The following FURIN variants were observed in gnomAD, a reference collection of about 807,000 sequenced individuals.
The protein encoded by FURIN is furin, paired basic amino acid cleaving enzyme.
FURIN carries 18 observed loss-of-function variants against 89.2 expected under a neutral mutation model. The ratio of observed to expected loss-of-function variants is 0.20; its 90% CI spans 0.14 to 0.30. The LOEUF (loss-of-function observed/expected upper bound fraction) is 0.30. Among genes scored for constraint, FURIN ranks in the 10% least tolerant of loss-of-function variants. The pLI is 1.00. For synonymous variants in FURIN, 508 were observed against 466.4 expected (o/e 1.09, Z -1.15); for missense variants, 879 against 1,100.5 (o/e 0.80, Z 2.85).
In FURIN at chr15:90,881,883, C is replaced by G. The variant is rs766132371; in HGVS notation, c.*5C>G. The stretch of plus-strand genomic sequence containing the variant: ...AAAGACCAGAGCGCCCTCTGATGAG[C>G]CCACTGCCCACCCCCTCAAGCCAAT... On this transcript the variant is annotated 3_prime_UTR_variant, in exon 16 of 16. Coordinates refer to ENST00000268171, the MANE Select transcript of FURIN (RefSeq NM_002569.4). The surrounding 1 kb of genome is among the most constrained non-coding windows in gnomAD (Gnocchi z 4.3). 290 of 1,574,888 alleles carry G rather than the reference C, an allele frequency of 1.8e-4. No homozygotes were observed. Among genetic ancestry groups the G allele is most frequent in the Middle Eastern group, 3.5e-4 (2 of 5,790 alleles).
chr15:90,871,488 G>A (rs2031288350), intron 1 of FURIN: 2 of 2,466 alleles, frequency 8.1e-4, no homozygotes, highest in African/African-American at 4.1e-3. Flanking sequence ...GACGCGCTGG[G>A]GCCCACGGCG....
intron 13 of FURIN, 130 bp downstream of exon 13, chr15:90,880,403 G>A: frequency 1.3e-6 from 1 of 785,138 alleles, no homozygotes. Context: ...GGCATTTTGG[G>A]AGGGACAATT....
At chr15:90,870,108 T>C (rs889726899) in intron 1 of FURIN, among the ~76,000 whole-genome samples, 1 of 152,208 alleles carries the variant, frequency 6.6e-6, no homozygotes, top group African/African-American at 2.4e-5. Context: ...TCTTGCAGTG[T>C]TTGTAAAGGT....
intron 11 of FURIN, 43 bp downstream of exon 11, chr15:90,879,817 A>G: frequency 1.2e-6 from 2 of 1,601,622 alleles, no homozygotes; most frequent in Non-Finnish European, 8.6e-7. Flanking sequence ...GGAGTTAGGT[A>G]GAAGGCACTC....
At position 90,881,079 on chromosome 15, in the gene FURIN, C is replaced by T; in HGVS notation, c.1792+39C>T. Reference sequence around the variant, plus strand: ...GCTGTTGGGCTTTGGGGGCCTGAGTCTGGGGGTAAGGCGGGTGCCTGTCCT... The same window carrying T: ...GCTGTTGGGCTTTGGGGGCCTGAGTTTGGGGGTAAGGCGGGTGCCTGTCCT... On this transcript the variant is annotated intron_variant, in intron 15 of 15. Coordinates refer to ENST00000268171, the MANE Select transcript of FURIN (RefSeq NM_002569.4). This position sits in a 1 kb window ranked among gnomAD's most constrained non-coding sequence, Gnocchi z 4.3. The T allele has an allele frequency of 6.8e-7, 1 of 1,476,400 alleles. No individual in the cohort carries two copies. The highest frequency in any genetic ancestry group is 9.5e-7 in the Non-Finnish European group (1 of 1,054,418). 91.5% of individuals were successfully genotyped at this position (1,476,400 alleles called of 1,614,324 possible).
chr15:90,868,888 C>T (rs1331180529), intron 1 of FURIN, among the ~76,000 whole-genome samples, 177 bp downstream of exon 1: 1 of 152,158 alleles, frequency 6.6e-6, no homozygotes, highest in East Asian at 1.9e-4. Flanking sequence ...CTTCTATGCA[C>T]GTCTGAATGT....
chr15:90,880,982 G>C lies in FURIN; in HGVS notation c.1734G>C (p.Leu578=). 1 of 1,614,122 alleles carries C rather than the reference G, an allele frequency of 6.2e-7. No homozygotes were observed. The highest frequency in any genetic ancestry group is 8.5e-7 in the Non-Finnish European group (1 of 1,179,980). Residue 578 remains leucine, a synonymous_variant, in exon 15 of 16, where the codon CTG becomes CTC. Coordinates refer to ENST00000268171, the MANE Select transcript of FURIN (RefSeq NM_002569.4). ...TCTATGGCACCGCCCCTGAGGGGCT[G>C]CCCGTACCTCCAGAAAGCAGTGGCT... is the stretch of plus-strand genomic sequence containing the variant. The part of the protein sequence containing the change: ...LVLYGTAPEG[L]PVPPESSGCK...
At chr15:90,869,602 A>G (rs567771220) in intron 1 of FURIN, among the ~76,000 whole-genome samples, 2 of 138,212 alleles carry the variant, frequency 1.4e-5, no homozygotes, top group Admixed American at 7.0e-5. Context: ...ACCCACTTTA[A>G]AGAATTTTGC....
Position 90,876,187 on chromosome 15 carries a change from C to G in FURIN, c.178-68C>G. The G allele has an allele frequency of 9.4e-7, 1 of 1,068,988 alleles. No homozygotes were observed. Among genetic ancestry groups the G allele is most frequent in the Non-Finnish European group, 1.4e-6 (1 of 715,880 alleles). The allele number at this position is 1,068,988 out of a possible 1,614,324, so 66.2% of individuals were successfully genotyped here. ...GAGCCTCCCATGAAGCCGTTGTCCA[C>G]CCCCGTCCCCCGCCTCCCGGGGACT... On this transcript the variant is annotated intron_variant, in intron 2 of 15. Coordinates refer to ENST00000268171, the MANE Select transcript of FURIN (RefSeq NM_002569.4). The surrounding 1 kb of genome is among the most constrained non-coding windows in gnomAD (Gnocchi z 5.0).
In FURIN at chr15:90,877,607, G is replaced by A. The variant is rs763902313; in HGVS notation, c.659G>A (p.Arg220His). ...GGTGTAGGTGTGGCCTACAACGCCC[G>A]CATTGGAGGTGAGTGTGGGCCTGGG... The part of the protein sequence containing the change: ...VCGVGVAYNA[R>H]IGGVRMLDGE... The change falls in exon 7 of 16, where the codon CGC (arginine) becomes CAC (histidine). Residue 220 changes from arginine (R) to histidine (H), a missense_variant. Physicochemically the swap from Arg to His is conservative, Grantham distance 29. Coordinates refer to ENST00000268171, the MANE Select transcript of FURIN (RefSeq NM_002569.4). 18 of 1,563,912 alleles carry A rather than the reference G, an allele frequency of 1.2e-5. No individual in the cohort carries two copies. The highest frequency in any genetic ancestry group is 2.4e-5 in the East Asian group (1 of 42,214).
intron 5 of FURIN, 34 bp downstream of exon 5, chr15:90,877,058 G>T (rs371973924): frequency 1.9e-6 from 3 of 1,613,478 alleles, no homozygotes; most frequent in South Asian, 1.1e-5. Flanking sequence ...CGTGATCCCT[G>T]CTGAGGTGTG....
At chr15:90,874,072 G>A (rs2031471165) in intron 1 of FURIN, among the ~76,000 whole-genome samples, 1 of 152,202 alleles carries the variant, frequency 6.6e-6, no homozygotes, top group South Asian at 2.1e-4. Context: ...GGCATCCAGG[G>A]CCCTGCTGCT....
chr15:90,880,902 C>A, intron 14 of FURIN, 28 bp from the exon 15 acceptor site: 2 of 1,611,526 alleles, frequency 1.2e-6, no homozygotes, highest in Non-Finnish European at 1.7e-6. Context: ...ACTGTCTTAA[C>A]TCTTGCCTCC....
rs755276881 is a variant in FURIN at position 90,879,789 on chromosome 15, G to C, written c.1258+15G>C. ...GGGCCGGAAAGGTGAGGGCAGGCTG[G>C]CCCGGCAGGCTGGATGTGGAGTTAG... On this transcript the variant is annotated intron_variant, in intron 11 of 15. Coordinates refer to ENST00000268171, the MANE Select transcript of FURIN (RefSeq NM_002569.4). 2 of 1,611,276 alleles carry C rather than the reference G, an allele frequency of 1.2e-6. No individual in the cohort carries two copies. Among genetic ancestry groups the C allele is most frequent in the Non-Finnish European group, 1.7e-6 (2 of 1,177,902 alleles).
Position 90,876,239 on chromosome 15 carries a change from C to T in FURIN, c.178-16C>T, listed in dbSNP as rs376100070. 7.8e-6 allele frequency: 12 copies of T among 1,543,990 alleles called. No homozygotes were observed. The highest frequency in any genetic ancestry group is 1.7e-4 in the Middle Eastern group (1 of 5,956). ...ACAGATGGAAAGCCCAGCTCAGTCTCCCTGCTCTATTGCAGATCTTCGGGG... is the reference window on the plus strand; with the variant it reads ...ACAGATGGAAAGCCCAGCTCAGTCTTCCTGCTCTATTGCAGATCTTCGGGG... On this transcript the variant is annotated splice_polypyrimidine_tract_variant and intron_variant, in intron 2 of 15. Coordinates refer to ENST00000268171, the MANE Select transcript of FURIN (RefSeq NM_002569.4). This position sits in a 1 kb window ranked among gnomAD's most constrained non-coding sequence, Gnocchi z 5.0.
At chr15:90,869,256 G>GT (rs2031175566) in intron 1 of FURIN, among the ~76,000 whole-genome samples, 1 of 152,154 alleles carries the variant, frequency 6.6e-6, no homozygotes, top group Non-Finnish European at 1.5e-5. Flanking sequence ...TGTAAAACTG[G>GT]TAAGGTGGGA....
intron 8 of FURIN, among the ~76,000 whole-genome samples, 166 bp from the exon 9 acceptor site, chr15:90,878,598 C>T (rs1050526439): frequency 2.0e-5 from 3 of 152,130 alleles, no homozygotes; most frequent in African/African-American, 7.2e-5. Flanking sequence ...TTTTGTGTGC[C>T]TAGATAGACA....
Position 90,881,116 on chromosome 15 carries a change from C to G in FURIN, c.1792+76C>G, listed in dbSNP as rs2031940739. 1.6e-6 allele frequency: 2 copies of G among 1,247,132 alleles called. No individual in the cohort carries two copies. Among genetic ancestry groups the G allele is most frequent in the East Asian group, 4.7e-5 (2 of 42,648 alleles). 77.3% of individuals were successfully genotyped at this position (1,247,132 alleles called of 1,614,324 possible). A position where few individuals can be genotyped will look rare whatever the true frequency, so the allele number is the denominator to read the frequency against. On this transcript the variant is annotated intron_variant, in intron 15 of 15. Transcript: ENST00000268171. The surrounding 1 kb of genome is among the most constrained non-coding windows in gnomAD (Gnocchi z 4.3). ...CGGGTGCCTGTCCTGAAGCCCAGCT[C>G]TAACAGAAAAAAGTCTCAAGAGACC...
chr15:90,879,440 G>T lies in FURIN; in HGVS notation c.1054-4G>T. The stretch of plus-strand genomic sequence containing the variant: ...AGGCCCCAATATGATTCTCTTCCTG[G>T]CAGGTGACGACTGACTTGCGGCAGA... On this transcript the variant is annotated splice_region_variant and splice_polypyrimidine_tract_variant and intron_variant, in intron 9 of 15. Transcript: ENST00000268171. The T allele has an allele frequency of 6.2e-7, 1 of 1,605,036 alleles. No homozygotes were observed. Among genetic ancestry groups the T allele is most frequent in the South Asian group, 1.1e-5 (1 of 90,886 alleles).
Sources: gnomAD v4.1 joint callset for allele counts (sites outside exome capture counted in the v4.1 genomes callset) on GRCh38, gnomAD v4.1.1 for gene constraint, Gnocchi (gnomAD v3.1) non-coding constraint, MANE v1.5 for transcripts, NCBI Gene and HGNC (gene_info 2026-07-23, HGNC 2026-07-21) for gene names.